Variants in ANO2 observed in about 807,000 individuals in gnomAD.
The protein encoded by ANO2 is anoctamin-2.
In ANO2, 101 loss-of-function variants were observed where a neutral mutation model predicts 124.2. The ratio of observed to expected loss-of-function variants is 0.81; its 90% CI spans 0.69 to 0.96. The LOEUF is 0.96. ANO2 is among the 40% of genes least tolerant of loss of function. The pLI, the probability that ANO2 is intolerant of heterozygous loss-of-function variation, is 0.00. For synonymous variants in ANO2, 486 were observed against 482.5 expected (o/e 1.01, Z -0.09); for missense variants, 1,293 against 1,274.5 (o/e 1.01, Z -0.22).
intron 15 of ANO2, among the ~76,000 whole-genome samples, chr12:5,646,005 G>GT (rs1374311479): frequency 2.0e-5 from 3 of 152,152 alleles, no homozygotes; most frequent in Non-Finnish European, 4.4e-5. Context: ...TCCATAACAA[G>GT]TTTTTTCTGC....
intron 3 of ANO2, among the ~76,000 whole-genome samples, chr12:5,912,861 T>C (rs540186228): frequency 6.6e-6 from 1 of 152,238 alleles, no homozygotes; most frequent in South Asian, 2.1e-4. Context: ...GGCACGACTG[T>C]TCCTACACTC....
At chr12:5,648,247 C>T (rs1210497229) in intron 14 of ANO2, among the ~76,000 whole-genome samples, 1 of 152,186 alleles carries the variant, frequency 6.6e-6, no homozygotes, top group Non-Finnish European at 1.5e-5. Flanking sequence ...ACAGATACGA[C>T]CCAACCACAG....
At chr12:5,577,802 G>T (rs534926339) in intron 22 of ANO2, among the ~76,000 whole-genome samples, 153 bp downstream of exon 22, 1 of 152,264 alleles carries the variant, frequency 6.6e-6, no homozygotes, top group South Asian at 2.1e-4. Flanking sequence ...GGGTTACAAG[G>T]CATTTGTGAG....
intron 14 of ANO2, among the ~76,000 whole-genome samples, chr12:5,722,494 G>A (rs1048467714): frequency 6.6e-6 from 1 of 152,158 alleles, no homozygotes; most frequent in Non-Finnish European, 1.5e-5. Flanking sequence ...GCGACAGAAC[G>A]AGACTCTCTC....
intron 15 of ANO2, among the ~76,000 whole-genome samples, chr12:5,637,875 G>C (rs1471222208): frequency 6.6e-6 from 1 of 152,044 alleles, no homozygotes; most frequent in South Asian, 2.1e-4. Flanking sequence ...CAGAGCTTTC[G>C]AGCTGCAGGA....
intron 13 of ANO2, among the ~76,000 whole-genome samples, chr12:5,737,065 CA>C (rs1268583784): frequency 2.0e-5 from 3 of 152,198 alleles, no homozygotes; most frequent in Non-Finnish European, 4.4e-5. Context: ...ATATTCCATA[CA>C]AAAACCTAGT....
chr12:5,704,385 G>A (rs542407215), intron 14 of ANO2, among the ~76,000 whole-genome samples: 16 of 152,190 alleles, frequency 1.1e-4, no homozygotes, highest in African/African-American at 2.2e-4. Flanking sequence ...AGAGCAACTC[G>A]TTCTTTACTT....
intron 14 of ANO2, among the ~76,000 whole-genome samples, chr12:5,717,341 G>A (rs965332928): frequency 6.6e-6 from 1 of 152,208 alleles, no homozygotes; most frequent in Non-Finnish European, 1.5e-5. Flanking sequence ...GCATAGCAGA[G>A]GTTCTCTTCT....
chr12:5,700,917 T>C (rs1949375248), intron 14 of ANO2, among the ~76,000 whole-genome samples: 2 of 152,098 alleles, frequency 1.3e-5, no homozygotes, highest in Admixed American at 6.6e-5. Flanking sequence ...CCTGTGACTT[T>C]ATCTTTGCTC....
At chr12:5,736,214 A>G (rs1180544415) in intron 13 of ANO2, among the ~76,000 whole-genome samples, 2 of 151,952 alleles carry the variant, frequency 1.3e-5, no homozygotes, top group East Asian at 3.9e-4. Flanking sequence ...TTCCTTCCCC[A>G]CCCTCAGAAG....
At chr12:5,919,146 A>G (rs1436988636) in intron 3 of ANO2, among the ~76,000 whole-genome samples, 2 of 152,198 alleles carry the variant, frequency 1.3e-5, no homozygotes, top group Non-Finnish European at 2.9e-5. Context: ...TGATGAAGAA[A>G]AGTAAGGCAG....
intron 20 of ANO2, among the ~76,000 whole-genome samples, chr12:5,596,785 G>C (rs1185210624): frequency 6.6e-6 from 1 of 152,142 alleles, no homozygotes; most frequent in African/African-American, 2.4e-5. Flanking sequence ...AGACCATTAA[G>C]AGGAATAACA....
chr12:5,733,689 T>C (rs1950739200), intron 13 of ANO2, among the ~76,000 whole-genome samples: 1 of 152,212 alleles, frequency 6.6e-6, no homozygotes, highest in Admixed American at 6.5e-5. Flanking sequence ...TGTAAGTGAC[T>C]AACAAGCATA....
chr12:5,716,984 A>G (rs975375804), intron 14 of ANO2, among the ~76,000 whole-genome samples: 5 of 152,378 alleles, frequency 3.3e-5, no homozygotes, highest in African/African-American at 1.2e-4. Flanking sequence ...TGGCATCAGA[A>G]TGCTGGAAAA....
chr12:5,653,593 A>T (rs1177527325), intron 14 of ANO2, among the ~76,000 whole-genome samples: 1 of 152,188 alleles, frequency 6.6e-6, no homozygotes, highest in Non-Finnish European at 1.5e-5. Context: ...TGTGAGTTGT[A>T]TTACTCTTGT....
intron 3 of ANO2, among the ~76,000 whole-genome samples, chr12:5,890,497 A>G (rs1275659843): frequency 4.6e-5 from 7 of 152,234 alleles, no homozygotes; most frequent in African/African-American, 1.7e-4. Context: ...AAAGGCACAC[A>G]TTAAATTGTG....
At chr12:5,785,529 C>T (rs1474335257) in intron 10 of ANO2, among the ~76,000 whole-genome samples, 2 of 152,150 alleles carry the variant, frequency 1.3e-5, no homozygotes, top group African/African-American at 4.8e-5. Context: ...CACTGTCCAC[C>T]TGTAGGTGAC....
intron 14 of ANO2, among the ~76,000 whole-genome samples, chr12:5,679,389 C>A (rs1326151116): frequency 6.6e-6 from 1 of 152,208 alleles, no homozygotes; most frequent in Non-Finnish European, 1.5e-5. Flanking sequence ...ACCTATCCAT[C>A]TGACAAAGGT....
At chr12:5,574,394 G>C (rs1227001096) in intron 23 of ANO2, among the ~76,000 whole-genome samples, 4 of 152,136 alleles carry the variant, frequency 2.6e-5, no homozygotes, top group African/African-American at 9.7e-5. Flanking sequence ...TCAAGGAGTT[G>C]GGTGAAAATG....
Sources: allele counts gnomAD v4.1 joint callset (sites outside exome capture counted in the v4.1 genomes callset), GRCh38; gene constraint gnomAD v4.1.1; transcripts MANE v1.5; gene names NCBI Gene and HGNC (gene_info 2026-07-23, HGNC 2026-07-21).